BACH2: variants seen among roughly 807,000 people sequenced by gnomAD.
BACH2 encodes the protein BACH transcriptional regulator 2.
A neutral mutation model predicts 61.8 loss-of-function variants in BACH2; 5 were observed. The observed-to-expected ratio is 0.08, with a 90% CI of 0.04 to 0.17. The LOEUF is 0.17. Among genes scored for constraint, BACH2 ranks in the 10% least tolerant of loss-of-function variants. The pLI is 1.00. For synonymous variants in BACH2, 446 were observed against 440.1 expected (o/e 1.01, Z -0.17); for missense variants, 824 against 1,091.1 (o/e 0.76, Z 3.45).
intron 5 of BACH2, among the ~76,000 whole-genome samples, chr6:90,067,658 T>C (rs778962183): frequency 6.6e-6 from 1 of 152,158 alleles, no homozygotes; most frequent in Non-Finnish European, 1.5e-5. Context: ...AATGAGAACA[T>C]AGACTGACTG....
chr6:89,956,458 T>C lies in BACH2; in HGVS notation c.244-4596A>G, dbSNP rs866574828. On this transcript the variant is annotated intron_variant, in intron 6 of 8. Coordinates refer to ENST00000257749, the MANE Select transcript of BACH2 (RefSeq NM_021813.4). ...ATGGTGCAAGTCAACATGCTGACAA[T>C]GTGTTGAAATTTGACCCACTGTAAC... is the stretch of plus-strand genomic sequence containing the variant. Among the ~76,000 whole-genome samples, 3 of 152,304 alleles carry C rather than the reference T, an allele frequency of 2.0e-5. No homozygotes were observed. The South Asian group carries it at 6.2e-4, about 32-fold the overall frequency.
intron 4 of BACH2, among the ~76,000 whole-genome samples, chr6:90,128,588 C>A (rs867799387): frequency 6.6e-6 from 1 of 152,040 alleles, no homozygotes; most frequent in East Asian, 1.9e-4. Flanking sequence ...TCAACAACAA[C>A]AACAAAAAAT....
chr6:90,101,727 T>C (rs758692749), intron 4 of BACH2, among the ~76,000 whole-genome samples: 21 of 152,312 alleles, frequency 1.4e-4, no homozygotes, highest in Non-Finnish European at 2.5e-4. Context: ...TTGATAGGGA[T>C]TGTGTTGACT....
rs1773872339 is a variant in BACH2 at position 89,948,362 on chromosome 6, A to G, written c.1836+1908T>C. ...GCTGGGACTACTGGCACGAGCCACC[A>G]CGCCTGGCTATTTTTTTATATTTTT... On this transcript the variant is annotated intron_variant, in intron 7 of 8. Transcript: ENST00000257749. 2.6e-5 allele frequency among the ~76,000 whole-genome samples: 4 copies of G among 151,984 alleles called. No individual in the cohort carries two copies. In the South Asian group the frequency reaches 8.3e-4, roughly 32 times the overall value.
At chr6:90,289,147 C>T (rs139845330) in intron 1 of BACH2, among the ~76,000 whole-genome samples, 2 of 152,162 alleles carry the variant, frequency 1.3e-5, no homozygotes, top group Admixed American at 1.3e-4. Flanking sequence ...ACAAAACATC[C>T]AATATTTTAG....
chr6:90,238,325 T>C (rs1157627241), intron 3 of BACH2, among the ~76,000 whole-genome samples: 1 of 152,240 alleles, frequency 6.6e-6, no homozygotes, highest in African/African-American at 2.4e-5. Context: ...CATATTTCGA[T>C]AGTGGTTACC....
intron 5 of BACH2, among the ~76,000 whole-genome samples, chr6:90,056,490 C>T (rs988853043): frequency 6.6e-6 from 1 of 152,102 alleles, no homozygotes; most frequent in African/African-American, 2.4e-5. Flanking sequence ...GAGTGACCTA[C>T]AAAGAGACTT....
At chr6:89,997,497 T>TAAGAAACAC (rs1776914643) in intron 6 of BACH2, among the ~76,000 whole-genome samples, 1 of 152,170 alleles carries the variant, frequency 6.6e-6, no homozygotes, top group Non-Finnish European at 1.5e-5. Flanking sequence ...TTGGCAGATA[T>TAAGAAACAC]AAGAAACACA....
At chr6:90,153,018 C>T (rs1361479016) in intron 4 of BACH2, among the ~76,000 whole-genome samples, 1 of 152,072 alleles carries the variant, frequency 6.6e-6, no homozygotes, top group East Asian at 1.9e-4. Flanking sequence ...AATTAAGCAC[C>T]AGAGTAGATG....
intron 4 of BACH2, among the ~76,000 whole-genome samples, chr6:90,092,957 C>T (rs1782235686): frequency 6.6e-6 from 1 of 152,134 alleles, no homozygotes. Flanking sequence ...TAGCATCCAT[C>T]AATCTGAGGC....
intron 5 of BACH2, among the ~76,000 whole-genome samples, chr6:90,053,321 C>A (rs2127795381): frequency 6.6e-6 from 1 of 152,020 alleles, no homozygotes; most frequent in African/African-American, 2.4e-5. Flanking sequence ...ACTTTGTCAT[C>A]CAAGCTGGAG....
At chr6:90,095,796 T>C (rs1354580105) in intron 4 of BACH2, among the ~76,000 whole-genome samples, 1 of 141,038 alleles carries the variant, frequency 7.1e-6, no homozygotes, top group African/African-American at 2.7e-5. Context: ...CCACCACCAC[T>C]GCCGCCTTCA....
intron 6 of BACH2, among the ~76,000 whole-genome samples, chr6:89,993,253 T>C (rs1208182070): frequency 1.3e-5 from 2 of 152,192 alleles, no homozygotes; most frequent in Non-Finnish European, 2.9e-5. Context: ...CTAAATGCTG[T>C]AGATTCACAT....
chr6:90,098,139 C>A (rs1394757499), intron 4 of BACH2, among the ~76,000 whole-genome samples: 2 of 152,200 alleles, frequency 1.3e-5, no homozygotes, highest in Non-Finnish European at 2.9e-5. Context: ...TGCACTGCAT[C>A]TAGATGGAGC....
At chr6:90,065,270 C>CCTTTTTTTTTTTTTTT (rs1780894736) in intron 5 of BACH2, among the ~76,000 whole-genome samples, 1 of 52,648 alleles carries the variant, frequency 1.9e-5, no homozygotes, top group Non-Finnish European at 3.4e-5. Context: ...GCCGCCCCCA[C>CCTTTTTTTTTTTTTTT]TTTTTTTTTT....
At chr6:90,144,923 C>T (rs1352244776) in intron 4 of BACH2, among the ~76,000 whole-genome samples, 2 of 152,058 alleles carry the variant, frequency 1.3e-5, no homozygotes, top group East Asian at 3.9e-4. Context: ...TGGATTTTAC[C>T]AAGGAGACAA....
intron 4 of BACH2, among the ~76,000 whole-genome samples, chr6:90,128,263 T>C (rs566108934): frequency 8.5e-5 from 13 of 152,232 alleles, no homozygotes; most frequent in East Asian, 1.9e-4. Flanking sequence ...GGATTTTTTT[T>C]CCCTCAGTTT....
intron 3 of BACH2, among the ~76,000 whole-genome samples, chr6:90,227,422 A>G (rs1769952687): frequency 6.6e-6 from 1 of 152,222 alleles, no homozygotes; most frequent in Non-Finnish European, 1.5e-5. Context: ...ACGTCATGGG[A>G]AAAATTAGGA....
chr6:90,036,959 A>T (rs1431927343), intron 5 of BACH2, among the ~76,000 whole-genome samples: 1 of 152,218 alleles, frequency 6.6e-6, no homozygotes, highest in Non-Finnish European at 1.5e-5. Context: ...TGAAACTTTA[A>T]GTAGCTAAGT....
Sources: gnomAD v4.1 joint callset for allele counts (sites outside exome capture counted in the v4.1 genomes callset) on GRCh38, gnomAD v4.1.1 for gene constraint, MANE v1.5 for transcripts, NCBI Gene and HGNC (gene_info 2026-07-23, HGNC 2026-07-21) for gene names.